CDIN1: variants seen among roughly 807,000 people sequenced by gnomAD.
CDIN1 encodes CDAN1-interacting nuclease 1.
CDIN1 carries 33 observed loss-of-function variants against 45.3 expected under a neutral mutation model. The observed-to-expected ratio is 0.73, with a 90% CI of 0.55 to 0.97. CDIN1 has a LOEUF of 0.97. Ranked by LOEUF, CDIN1 falls within the 50% of genes least tolerant of loss-of-function variation. The pLI is 0.00. For synonymous variants in CDIN1, 118 were observed against 124.4 expected (o/e 0.95, Z 0.34); for missense variants, 303 against 339.4 (o/e 0.89, Z 0.84).
chr15:36,788,106 A>ATATT (rs1343541345), intron 10 of CDIN1, among the ~76,000 whole-genome samples: 2 of 50,552 alleles, frequency 4.0e-5, no homozygotes, highest in African/African-American at 1.5e-4. Flanking sequence ...ATATATATAT[A>ATATT]TTTTTTTTTT....
At position 36,644,288 on chromosome 15, in the gene CDIN1, G is replaced by C. The variant is rs182159142; in HGVS notation, c.112G>C (p.Ala38Pro). Residue 38 changes from alanine to proline, a missense_variant, in exon 2 of 11, where the codon GCC becomes CCC. Ala to Pro is a conservative substitution (Grantham distance 27). Coordinates refer to ENST00000566621, the MANE Select transcript of CDIN1 (RefSeq NM_001321759.2). Reference protein sequence around the residue: ...LKQRFPSQSQATLLSIFSQEY... With the variant: ...LKQRFPSQSQPTLLSIFSQEY... The stretch of plus-strand genomic sequence containing the variant: ...TTTTATTTGTTCCAGTCAATCGCAG[G>C]CCACTCTGCTGAGCATCTTCTCCCA... 1.5e-4 allele frequency: 238 copies of C among 1,613,632 alleles called. 1 individual carries two copies. The East Asian group carries it at 5.1e-3, about 35-fold the overall frequency.
At chr15:36,772,432 C>A (rs1004211948) in intron 10 of CDIN1, among the ~76,000 whole-genome samples, 1 of 152,142 alleles carries the variant, frequency 6.6e-6, no homozygotes, top group African/African-American at 2.4e-5. Flanking sequence ...TTCTTGAAGC[C>A]ATCTGGCCTA....
chr15:36,588,413 T>G (rs1440906759), intron 1 of CDIN1, among the ~76,000 whole-genome samples: 1 of 152,182 alleles, frequency 6.6e-6, no homozygotes, highest in Non-Finnish European at 1.5e-5. Context: ...ACACTTCTGA[T>G]AATTTTGTGG....
chr15:36,621,736 A>T (rs760283054), intron 1 of CDIN1, among the ~76,000 whole-genome samples: 1 of 152,192 alleles, frequency 6.6e-6, no homozygotes, highest in Non-Finnish European at 1.5e-5. Flanking sequence ...AACAAAAAAA[A>T]ATTTATTTTG....
intron 1 of CDIN1, among the ~76,000 whole-genome samples, chr15:36,590,757 C>T (rs2037533412): frequency 6.6e-6 from 1 of 152,156 alleles, no homozygotes; most frequent in South Asian, 2.1e-4. Context: ...AAATAGGAGG[C>T]ATAGCAGACC....
chr15:36,806,431 T>G (rs1010571108), intron 10 of CDIN1, among the ~76,000 whole-genome samples: 28 of 152,214 alleles, frequency 1.8e-4, no homozygotes, highest in African/African-American at 6.0e-4. Context: ...TTTTATGACC[T>G]CCATATATTC....
At chr15:36,685,329 C>T (rs1295780004) in intron 5 of CDIN1, among the ~76,000 whole-genome samples, 7 of 151,820 alleles carry the variant, frequency 4.6e-5, no homozygotes, top group South Asian at 2.1e-4. Flanking sequence ...GCCTTCATTT[C>T]GTTATGTACC....
At chr15:36,752,454 G>A (rs540072117) in intron 10 of CDIN1, among the ~76,000 whole-genome samples, 1 of 152,292 alleles carries the variant, frequency 6.6e-6, no homozygotes, top group East Asian at 1.9e-4. Flanking sequence ...TATTGGTGGT[G>A]AGTGGAAAAT....
At chr15:36,778,377 G>A (rs1391178006) in intron 10 of CDIN1, among the ~76,000 whole-genome samples, 2 of 151,960 alleles carry the variant, frequency 1.3e-5, no homozygotes, top group Non-Finnish European at 2.9e-5. Context: ...CCTTTTTATG[G>A]GTACTTATCA....
At chr15:36,682,739 C>T (rs866115260) in intron 5 of CDIN1, among the ~76,000 whole-genome samples, 1 of 133,442 alleles carries the variant, frequency 7.5e-6, no homozygotes, top group African/African-American at 2.9e-5. Context: ...CACTGCACTC[C>T]ATCCTAGGCA....
At chr15:36,798,366 C>T (rs2054891170) in intron 10 of CDIN1, among the ~76,000 whole-genome samples, 1 of 152,168 alleles carries the variant, frequency 6.6e-6, no homozygotes, top group South Asian at 2.1e-4. Flanking sequence ...CATTTGCCTT[C>T]ATGAATCTGC....
chr15:36,675,178 A>C (rs921430377), intron 5 of CDIN1, among the ~76,000 whole-genome samples: 5 of 152,088 alleles, frequency 3.3e-5, no homozygotes, highest in African/African-American at 1.2e-4. Context: ...ATTCATTTTT[A>C]TTGGTGACTA....
intron 10 of CDIN1, among the ~76,000 whole-genome samples, chr15:36,739,450 A>G (rs1452441275): frequency 6.6e-6 from 1 of 152,166 alleles, no homozygotes; most frequent in Non-Finnish European, 1.5e-5. Flanking sequence ...ACAAAAAACA[A>G]AGAAAAGACA....
At chr15:36,653,771 A>G (rs886505060) in intron 3 of CDIN1, among the ~76,000 whole-genome samples, 3 of 152,188 alleles carry the variant, frequency 2.0e-5, no homozygotes, top group Admixed American at 6.5e-5. Flanking sequence ...TTTCCATGCA[A>G]TGGTTGTCTG....
chr15:36,799,660 G>GTT (rs1395223007), intron 10 of CDIN1: 2 of 152,264 alleles, frequency 1.3e-5, no homozygotes, highest in East Asian at 1.9e-4. Flanking sequence ...AAGTGATATA[G>GTT]TTTACTCTGA....
intron 8 of CDIN1, among the ~76,000 whole-genome samples, chr15:36,698,415 C>G (rs1398143323): frequency 6.6e-6 from 1 of 152,148 alleles, no homozygotes; most frequent in Non-Finnish European, 1.5e-5. Flanking sequence ...GTTCTCAAGT[C>G]ACTAAATTAA....
intron 10 of CDIN1, among the ~76,000 whole-genome samples, chr15:36,725,179 C>T (rs1445136110): frequency 6.6e-6 from 1 of 152,148 alleles, no homozygotes; most frequent in Non-Finnish European, 1.5e-5. Flanking sequence ...ATACCTGACA[C>T]TCATTGCATT....
intron 10 of CDIN1, among the ~76,000 whole-genome samples, chr15:36,722,944 A>G (rs1449633708): frequency 3.6e-5 from 5 of 139,560 alleles, no homozygotes; most frequent in South Asian, 4.9e-4. Flanking sequence ...ACACAAGTCA[A>G]TTACATTCAC....
chr15:36,661,220 G>A (rs1048191087), intron 5 of CDIN1, among the ~76,000 whole-genome samples: 1 of 152,184 alleles, frequency 6.6e-6, no homozygotes, highest in African/African-American at 2.4e-5. Context: ...TTGGGGAAAT[G>A]CTTTTAGACT....
Sources: gnomAD v4.1 joint callset for allele counts (sites outside exome capture counted in the v4.1 genomes callset) on GRCh38, gnomAD v4.1.1 for gene constraint, MANE v1.5 for transcripts, NCBI Gene and HGNC (gene_info 2026-07-23, HGNC 2026-07-21) for gene names.